Variants in ADGRL3 observed in about 807,000 individuals in gnomAD.
The protein encoded by ADGRL3 is adhesion G protein-coupled receptor L3.
A neutral mutation model predicts 153.5 loss-of-function variants in ADGRL3; 62 were observed. That is an observed-to-expected ratio of 0.40 (90% CI 0.33 to 0.50). ADGRL3 has a LOEUF of 0.50. Ranked by LOEUF, ADGRL3 falls within the 20% of genes least tolerant of loss-of-function variation. ADGRL3 has a pLI of 0.47. For missense variants in ADGRL3, 1,641 were observed against 1,859.4 expected (o/e 0.88, Z 2.16); for synonymous variants, 710 against 672.5 (o/e 1.06, Z -0.86).
chr4:61,389,944 A>G (rs1321345803), intron 2 of ADGRL3, among the ~76,000 whole-genome samples: 2 of 152,206 alleles, frequency 1.3e-5, no homozygotes, highest in Non-Finnish European at 2.9e-5. Flanking sequence ...CTGTGAAGCC[A>G]TGAACAGCAA....
intron 5 of ADGRL3, among the ~76,000 whole-genome samples, chr4:61,610,331 C>T (rs970434290): frequency 5.9e-5 from 9 of 152,064 alleles, no homozygotes; most frequent in African/African-American, 2.2e-4. Context: ...TTCTTCATCT[C>T]TGATTAGTTC....
chr4:61,786,532 A>T (rs2097277689), intron 8 of ADGRL3, among the ~76,000 whole-genome samples: 1 of 152,186 alleles, frequency 6.6e-6, no homozygotes. Context: ...AAAAGAGGAG[A>T]TGCAAGGTAT....
At chr4:61,585,398 T>G (rs1269436326) in intron 4 of ADGRL3, among the ~76,000 whole-genome samples, 1 of 151,996 alleles carries the variant, frequency 6.6e-6, no homozygotes, top group Non-Finnish European at 1.5e-5. Context: ...TTCTCTAAAC[T>G]TCAAGAGAAA....
chr4:62,047,989 T>G (rs1380220240), intron 25 of ADGRL3, among the ~76,000 whole-genome samples: 1 of 152,156 alleles, frequency 6.6e-6, no homozygotes, highest in Non-Finnish European at 1.5e-5. Context: ...TTTTACAAAC[T>G]CATAGGACTT....
intron 2 of ADGRL3, among the ~76,000 whole-genome samples, chr4:61,458,232 A>G (rs372087652): frequency 6.6e-6 from 1 of 151,492 alleles, no homozygotes; most frequent in East Asian, 1.9e-4. Context: ...AAATATAAAT[A>G]TTATTATTTA....
intron 1 of ADGRL3, among the ~76,000 whole-genome samples, chr4:61,232,706 G>T (rs192474366): frequency 6.6e-6 from 1 of 152,104 alleles, no homozygotes; most frequent in Non-Finnish European, 1.5e-5. Context: ...TTGTTACAAG[G>T]ATTAAGACAT....
At chr4:61,998,577 T>C (rs1251221829) in intron 21 of ADGRL3, among the ~76,000 whole-genome samples, 1 of 151,926 alleles carries the variant, frequency 6.6e-6, no homozygotes, top group Non-Finnish European at 1.5e-5. Flanking sequence ...TCTTTTTTTT[T>C]TTTTTATTTA....
intron 25 of ADGRL3, among the ~76,000 whole-genome samples, chr4:62,052,462 G>GA (rs947141438): frequency 1.3e-4 from 20 of 150,942 alleles, no homozygotes; most frequent in African/African-American, 3.1e-4. Flanking sequence ...TCCGTGTAAG[G>GA]AAAAAAATGC....
At chr4:62,062,417 A>G (rs1740706292) in intron 25 of ADGRL3, among the ~76,000 whole-genome samples, 1 of 152,002 alleles carries the variant, frequency 6.6e-6, no homozygotes, top group Non-Finnish European at 1.5e-5. Flanking sequence ...CTCAGCCTAT[A>G]GCTTGTGTTT....
intron 2 of ADGRL3, among the ~76,000 whole-genome samples, chr4:61,397,272 C>T (rs1035144320): frequency 6.6e-6 from 1 of 151,688 alleles, no homozygotes; most frequent in Non-Finnish European, 1.5e-5. Context: ...TTTTAAATTG[C>T]AAATGAATTT....
chr4:61,473,405 A>G (rs1245794885), intron 2 of ADGRL3, among the ~76,000 whole-genome samples: 1 of 152,066 alleles, frequency 6.6e-6, no homozygotes, highest in Non-Finnish European at 1.5e-5. Flanking sequence ...ATGTGAAAGG[A>G]AAGCAGTTTT....
intron 5 of ADGRL3, among the ~76,000 whole-genome samples, chr4:61,673,647 AAAAG>A (rs1322870460): frequency 6.6e-6 from 1 of 151,462 alleles, no homozygotes; most frequent in African/African-American, 2.4e-5. Context: ...GTCATTTAAA[AAAAG>A]AAAGCGAAGT....
intron 1 of ADGRL3, among the ~76,000 whole-genome samples, chr4:61,289,241 A>T (rs1482111788): frequency 1.3e-5 from 2 of 151,968 alleles, no homozygotes; most frequent in Non-Finnish European, 2.9e-5. Context: ...GCTATATGTA[A>T]GAGATGCTAG....
intron 1 of ADGRL3, among the ~76,000 whole-genome samples, chr4:61,360,054 C>A (rs943713073): frequency 1.3e-5 from 2 of 152,106 alleles, no homozygotes; most frequent in African/African-American, 4.8e-5. Context: ...TCTAAATTAT[C>A]TACTGCTACA....
intron 2 of ADGRL3, among the ~76,000 whole-genome samples, chr4:61,443,395 AATG>A (rs2097547672): frequency 1.3e-5 from 2 of 152,188 alleles, no homozygotes; most frequent in African/African-American, 4.8e-5. Flanking sequence ...TATCATTAAC[AATG>A]ATATTTATTA....
intron 6 of ADGRL3, among the ~76,000 whole-genome samples, chr4:61,699,979 C>G (rs10033779): frequency 0.98 from 143,505 of 146,072 alleles, 70,503 homozygotes; most frequent in South Asian, 1. Context: ...AAAACACACA[C>G]AGAGAGAGAG....
chr4:61,474,006 C>A (rs530721064), intron 2 of ADGRL3, among the ~76,000 whole-genome samples: 6 of 151,530 alleles, frequency 4.0e-5, no homozygotes, highest in East Asian at 1.9e-4. Context: ...TTTGAGGGAT[C>A]GTCAGGAAAA....
intron 5 of ADGRL3, among the ~76,000 whole-genome samples, chr4:61,614,233 A>G (rs557790316): frequency 6.6e-6 from 1 of 152,326 alleles, no homozygotes; most frequent in Middle Eastern, 3.4e-3. Flanking sequence ...CCTCTCACTA[A>G]TAGCATTATG....
At chr4:61,570,141 C>A (rs1175972325) in intron 4 of ADGRL3, among the ~76,000 whole-genome samples, 1 of 152,096 alleles carries the variant, frequency 6.6e-6, no homozygotes, top group Non-Finnish European at 1.5e-5. Context: ...GATTTACATA[C>A]AAACTCTGGA....
Sources: gnomAD v4.1 joint callset for allele counts (sites outside exome capture counted in the v4.1 genomes callset) on GRCh38, gnomAD v4.1.1 for gene constraint, MANE v1.5 for transcripts, NCBI Gene and HGNC (gene_info 2026-07-23, HGNC 2026-07-21) for gene names.